The following CCAR2 variants were observed in gnomAD, a reference collection of about 807,000 sequenced individuals.
CCAR2 encodes cell cycle and apoptosis regulator 2.
In CCAR2, 21 loss-of-function variants were observed where a neutral mutation model predicts 108.1. That is an observed-to-expected ratio of 0.19 (90% CI 0.14 to 0.28). CCAR2 has a LOEUF of 0.28. Ranked by LOEUF, CCAR2 falls within the 10% of genes least tolerant of loss-of-function variation. The pLI is 1.00. For synonymous variants in CCAR2, 577 were observed against 472.8 expected, an observed-to-expected ratio of 1.22 and a Z score of -2.86; for missense variants, 1,126 against 1,177.0, an observed-to-expected ratio of 0.96 and a Z score of 0.63.
chr8:22,613,996 GA>G (rs1412100079), intron 8 of CCAR2, 95 bp from the exon 9 acceptor site: 36 of 1,129,208 alleles, frequency 3.2e-5, no homozygotes, highest in Admixed American at 4.4e-5. Context: ...TTCTCAGACT[GA>G]AAAAAAATTC....
At chr8:22,620,707 T>C (rs1801758279), downstream of CCAR2, 1 of 152,124 alleles carries the variant, frequency 6.6e-6, no homozygotes, top group African/African-American at 2.4e-5. Flanking sequence ...AGCACAATAC[T>C]ATGTGGACGT....
At position 22,608,036 on chromosome 8, in the gene CCAR2, C is replaced by T. The variant is rs573613117; in HGVS notation, c.555C>T (p.Gly185=). Residue 185 remains glycine (G), a synonymous_variant, in exon 7 of 21, where the codon GGC becomes GGT. Transcript: ENST00000308511. ...LSHLNRFPAR[G]PHGRLDQGRS... ...ACCTGAACAGATTTCCTGCCCGGGG[C>T]CCTCATGGACGGTTGGATCAGGGCC... 5 of 1,613,972 alleles carry T rather than the reference C, an allele frequency of 3.1e-6. No individual in the cohort carries two copies. In the South Asian group the frequency reaches 4.4e-5, roughly 14 times the overall value.
At chr8:22,618,148 A>AG in intron 16 of CCAR2, 1 of 648,722 alleles carries the variant, frequency 1.5e-6, no homozygotes, top group Non-Finnish European at 2.7e-6. Flanking sequence ...GGTTATTCAC[A>AG]GGCATGAATA....
In CCAR2 at chr8:22,619,308, A is replaced by G. The variant is rs200337445; in HGVS notation, c.2680A>G (p.Arg894Gly). 6.4e-7 allele frequency: 1 copy of G among 1,564,268 alleles called. No homozygotes were observed. Among genetic ancestry groups the G allele is most frequent in the East Asian group, 2.4e-5 (1 of 42,080 alleles). The change falls in exon 20 of 21, where the codon AGG becomes GGG. Residue 894 changes from arginine to glycine, a missense_variant. Around this residue, in one of 4 missense-constraint regions of CCAR2, gnomAD observed 1,013 missense variants for 993.9 expected, o/e 1.02. Coordinates refer to ENST00000308511, the MANE Select transcript of CCAR2 (RefSeq NM_001393997.1). The stretch of plus-strand genomic sequence containing the variant: ...CCAGCGGCTGCTGCAGGAGCTCCGC[A>G]GGCGTCTGACCCCCCTGCAGCTGGA... The part of the protein sequence containing the change: ...QLQRLLQELR[R>G]RLTPLQLEIQ...
chr8:22,619,165 G>A lies in CCAR2; in HGVS notation c.2537G>A (p.Arg846His), dbSNP rs200321857. The A allele has an allele frequency of 3.1e-6, 5 of 1,601,532 alleles. No individual in the cohort carries two copies. The highest frequency in any genetic ancestry group is 1.7e-5 in the Admixed American group (1 of 57,146). ...LELKLEESHN[R>H]FSATEVTNKT... ...CACCTTGCAGAGGAGAGCCATAACCGTTTCTCAGCCACTGAAGTAACCAAT... is the reference window on the plus strand; with the variant it reads ...CACCTTGCAGAGGAGAGCCATAACCATTTCTCAGCCACTGAAGTAACCAAT... The change falls in exon 20 of 21, where the codon CGT (arginine) becomes CAT (histidine). Residue 846 changes from arginine (R) to histidine (H), a missense_variant. This residue lies in a region of CCAR2 where 1,013 missense variants were observed against 993.9 expected (regional missense o/e 1.02). Transcript: ENST00000308511.
chr8:22,617,534 C>A lies in CCAR2; in HGVS notation c.1960C>A (p.Leu654Ile), dbSNP rs372091834. 2 of 1,601,768 alleles carry A rather than the reference C, an allele frequency of 1.2e-6. No homozygotes were observed. The highest frequency in any genetic ancestry group is 1.3e-5 in the African/African-American group (1 of 74,430). ...GATGGCCCTGGACCCAGAACTGTTGCTTCTGAGGGATGATGGAGAGGAGGA... is the reference window on the plus strand; with the variant it reads ...GATGGCCCTGGACCCAGAACTGTTGATTCTGAGGGATGATGGAGAGGAGGA... ...CEMALDPELL[L>I]LRDDGEEEFA... The change falls in exon 15 of 21, where the codon CTT becomes ATT. Residue 654 changes from leucine (L) to isoleucine (I), a missense_variant. Physicochemically the swap from Leu to Ile is conservative, Grantham distance 5 (BLOSUM62 2). Coordinates refer to ENST00000308511, the MANE Select transcript of CCAR2 (RefSeq NM_001393997.1).
chr8:22,613,355 CTTTTTTTTTTTTT>C (rs5890057), intron 8 of CCAR2, among the ~76,000 whole-genome samples: 6 of 125,844 alleles, frequency 4.8e-5, no homozygotes, highest in African/African-American at 1.8e-4. Context: ...AGATCTAGTT[CTTTTTTTTTTTTT>C]TTTTTTTTAG....
intron 7 of CCAR2, among the ~76,000 whole-genome samples, chr8:22,612,417 A>C (rs556665348): frequency 1.6e-4 from 24 of 151,822 alleles, no homozygotes; most frequent in Admixed American, 1.1e-3. Flanking sequence ...GCAGGCACGC[A>C]CCACCAGGCC....
chr8:22,614,748 C>T, intron 10 of CCAR2, 90 bp from the exon 11 acceptor site: 3 of 1,565,790 alleles, frequency 1.9e-6, no homozygotes, highest in Non-Finnish European at 2.6e-6. Flanking sequence ...CTTCCGGCTG[C>T]CTTCATCCTG....
rs376772421 is a variant in CCAR2 at position 22,619,006 on chromosome 8, C to T, written c.2512C>T (p.Leu838=). 3 of 1,612,936 alleles carry T rather than the reference C, an allele frequency of 1.9e-6. No homozygotes were observed. The highest frequency in any genetic ancestry group is 1.7e-6 in the Non-Finnish European group (2 of 1,179,780). The part of the protein sequence containing the change: ...YLENKIHTLE[L]KLEESHNRFS... ...AGAGAACAAGATCCACACACTGGAG[C>T]TGAAGCTGGGTGAGGGCCTGGGGCT... The change falls in exon 19 of 21, where the codon CTG becomes TTG. Residue 838 remains leucine, a synonymous_variant. Coordinates refer to ENST00000308511, the MANE Select transcript of CCAR2 (RefSeq NM_001393997.1).
chr8:22,607,249 G>A lies in CCAR2; in HGVS notation c.411G>A (p.Gln137=). Residue 137 remains glutamine (Q), a synonymous_variant, in exon 6 of 21, where the codon CAG becomes CAA. Coordinates refer to ENST00000308511, the MANE Select transcript of CCAR2 (RefSeq NM_001393997.1). ...PPLLHVAALG[Q]KQGILGAQPQ... is the part of the protein sequence containing the mutation. ...TTCTGCATGTAGCAGCCCTGGGCCAGAAGCAAGGGATCCTGGGAGCTCAGC... is the reference window on the plus strand; with the variant it reads ...TTCTGCATGTAGCAGCCCTGGGCCAAAAGCAAGGGATCCTGGGAGCTCAGC... 1.9e-6 allele frequency: 3 copies of A among 1,614,022 alleles called. No individual in the cohort carries two copies. The highest frequency in any genetic ancestry group is 2.5e-6 in the Non-Finnish European group (3 of 1,180,014).
Position 22,619,736 on chromosome 8 carries a change from T to C in CCAR2, c.*54T>C. ...AGGGCAGCGGTGGCGCCCGGCAAAG[T>C]TGGAGCCCTTGCGGTACCAGAAAGC... On this transcript the variant is annotated 3_prime_UTR_variant, in exon 21 of 21. Coordinates refer to ENST00000308511, the MANE Select transcript of CCAR2 (RefSeq NM_001393997.1). 2 of 1,538,770 alleles carry C rather than the reference T, an allele frequency of 1.3e-6. No homozygotes were observed. Among genetic ancestry groups the C allele is most frequent in the Non-Finnish European group, 1.8e-6 (2 of 1,138,306 alleles).
chr8:22,619,965 C>CT lies in CCAR2; in HGVS notation c.*287dup. ...CAACCTTGGTATTTCTCCTGGGGCC[C>CT]TTTTAGTCTTGTGCTGACTTTCTCC... On this transcript the variant is annotated 3_prime_UTR_variant, in exon 21 of 21. Coordinates refer to ENST00000308511, the MANE Select transcript of CCAR2 (RefSeq NM_001393997.1). The CT allele has an allele frequency of 8.2e-6, 4 of 488,868 alleles. No individual in the cohort carries two copies. The highest frequency in any genetic ancestry group is 1.1e-5 in the Non-Finnish European group (3 of 268,958). The allele number at this position is 488,868 out of a possible 1,614,324, so 30.3% of individuals were successfully genotyped here.
At chr8:22,608,659 A>C (rs1801168594) in intron 7 of CCAR2, among the ~76,000 whole-genome samples, 1 of 152,156 alleles carries the variant, frequency 6.6e-6, no homozygotes, top group African/African-American at 2.4e-5. Context: ...GACCACTAGG[A>C]GCATGCTGTC....
At chr8:22,607,466 GGTT>G in intron 6 of CCAR2, 141 bp downstream of exon 6, 3 of 777,676 alleles carry the variant, frequency 3.9e-6, no homozygotes, top group Middle Eastern at 2.8e-4. Context: ...AGGTGTTTAG[GGTT>G]TTTTTTTTTT....
At position 22,614,672 on chromosome 8, in the gene CCAR2, C is replaced by CA. The variant is rs1563918308; in HGVS notation, c.1042-165dup. The CA allele has an allele frequency of 5.7e-6, 6 of 1,061,222 alleles. No individual in the cohort carries two copies. In the South Asian group the frequency reaches 8.1e-5, roughly 14 times the overall value. 65.7% of individuals were successfully genotyped at this position (1,061,222 alleles called of 1,614,324 possible). ...GCAGCTCAGAGCTGTTACGACTAGT[C>CA]AGAGAGAGCGAGGTGGCTGGTTCAT... is the stretch of plus-strand genomic sequence containing the variant. On this transcript the variant is annotated intron_variant, in intron 10 of 20. Coordinates refer to ENST00000308511, the MANE Select transcript of CCAR2 (RefSeq NM_001393997.1).
At chr8:22,612,866 A>G (rs1235879311) in intron 7 of CCAR2, 151 bp from the exon 8 acceptor site, 4 of 818,934 alleles carry the variant, frequency 4.9e-6, no homozygotes, top group South Asian at 3.9e-5. Flanking sequence ...TAATATCTTT[A>G]TAACATTCTG....
In CCAR2 at chr8:22,606,659, A is replaced by G. The variant is rs914805062; in HGVS notation, c.203A>G (p.Tyr68Cys). 2 of 1,614,138 alleles carry G rather than the reference A, an allele frequency of 1.2e-6. No individual in the cohort carries two copies. The highest frequency in any genetic ancestry group is 1.7e-6 in the Non-Finnish European group (2 of 1,180,012). The change falls in exon 4 of 21, where the codon TAC becomes TGC. Residue 68 changes from tyrosine (Y) to cysteine (C), a missense_variant. This residue lies in a region of CCAR2 where 17 missense variants were observed against 56.1 expected (regional missense o/e 0.30). Coordinates refer to ENST00000308511, the MANE Select transcript of CCAR2 (RefSeq NM_001393997.1). The part of the protein sequence containing the change: ...FTGIVTSLHD[Y>C]FGVVDEEVFF... ...GGTATTGTTACCAGCTTGCATGACT[A>G]CTTTGGGGTTGTGGATGAAGAGGTC...
Position 22,619,320 on chromosome 8 carries a change from C to A in CCAR2, c.2692C>A (p.Pro898Thr). The A allele has an allele frequency of 6.4e-7, 1 of 1,563,840 alleles. No individual in the cohort carries two copies. The highest frequency in any genetic ancestry group is 8.7e-7 in the Non-Finnish European group (1 of 1,154,898). The change falls in exon 20 of 21, where the codon CCC becomes ACC. Residue 898 changes from proline to threonine, a missense_variant. Transcript: ENST00000308511. ...GCAGGAGCTCCGCAGGCGTCTGACC[C>A]CCCTGCAGCTGGAGATCCAGCGGGT... ...LLQELRRRLT[P>T]LQLEIQRVVE...
Sources: allele counts gnomAD v4.1 joint callset (sites outside exome capture counted in the v4.1 genomes callset), GRCh38; gene constraint gnomAD v4.1.1; regional missense constraint gnomAD v4.1.1; transcripts MANE v1.5; gene names NCBI Gene and HGNC (gene_info 2026-07-23, HGNC 2026-07-21).